Variants in COPA observed in about 807,000 individuals in gnomAD.
COPA encodes coat protein complex I subunit alpha, also known as coatomer subunit alpha.
COPA carries 10 observed loss-of-function variants against 158.7 expected under a neutral mutation model. The observed-to-expected ratio is 0.06, with a 90% confidence interval of 0.04 to 0.11. COPA has a LOEUF of 0.11. Ranked by LOEUF, COPA falls within the 10% of genes least tolerant of loss-of-function variation. The pLI is 1.00. For synonymous variants in COPA, 462 were observed against 542.8 expected (o/e 0.85, Z 2.07); for missense variants, 1,065 against 1,536.7 (o/e 0.69, Z 5.13).
rs780525488 is a variant in COPA at position 160,297,416 on chromosome 1, A to G, written c.2190T>C (p.Ser730=). ...MKIAEIRKDM[S]GHYQNALYLG... is the part of the protein sequence containing the mutation. ...GGTATAGGGCATTCTGATAGTGGCC[A>G]CTCATGTCCTTTCTGATCTCAGCTG... The change falls in exon 21 of 33, where the codon AGT becomes AGC. Residue 730 remains serine, a synonymous_variant. Transcript: ENST00000241704. 1.2e-6 allele frequency: 2 copies of G among 1,613,964 alleles called. No individual in the cohort carries two copies. Among genetic ancestry groups the G allele is most frequent in the East Asian group, 4.5e-5 (2 of 44,900 alleles).
Position 160,299,167 on chromosome 1 carries a change from C to A in COPA, c.1765G>T (p.Val589Leu). ...YCLDRECRPR[V>L]LTIDPTEFKF... ...AACTCAGTGGGATCAATGGTGAGTA[C>A]CCGGGGACGACACTCCCTGTCTAGG... Residue 589 changes from valine (V) to leucine (L), a missense_variant, in exon 18 of 33, where the codon GTA becomes TTA. Transcript: ENST00000241704. The A allele has an allele frequency of 6.2e-7, 1 of 1,614,150 alleles. No individual in the cohort carries two copies. The highest frequency in any genetic ancestry group is 1.1e-5 in the South Asian group (1 of 91,084).
Position 160,342,293 on chromosome 1 carries a change from C to T in COPA, c.40+838G>A, listed in dbSNP as rs937055188. Among the ~76,000 whole-genome samples, 5 of 152,142 alleles carry T rather than the reference C, an allele frequency of 3.3e-5. No individual in the cohort carries two copies. In the South Asian group the frequency reaches 6.2e-4, roughly 19 times the overall value. ...GACCAAGTTCCTAACCACTTTGTTA[C>T]GCTGCATCTCACTAAATATTCTAGA... On this transcript the variant is annotated intron_variant, in intron 1 of 32. Transcript: ENST00000241704.
chr1:160,296,330 A>G (rs1262751293), intron 21 of COPA, among the ~76,000 whole-genome samples, 181 bp from the exon 22 acceptor site: 1 of 152,250 alleles, frequency 6.6e-6, no homozygotes, highest in African/African-American at 2.4e-5. Context: ...GGAACATGGC[A>G]GATGTGATGG....
intron 17 of COPA, among the ~76,000 whole-genome samples, chr1:160,300,894 G>A (rs966030867): frequency 3.9e-5 from 6 of 152,078 alleles, no homozygotes; most frequent in East Asian, 1.9e-4. Context: ...TGAGGCAGGC[G>A]GATCACCTGA....
intron 1 of COPA, among the ~76,000 whole-genome samples, chr1:160,342,020 C>A (rs969644424): frequency 6.6e-6 from 1 of 152,174 alleles, no homozygotes; most frequent in African/African-American, 2.4e-5. Context: ...GGTCAAGTTT[C>A]CCAAGAGACT....
At chr1:160,317,276 G>A (rs549132181) in intron 8 of COPA, 56 of 814,138 alleles carry the variant, frequency 6.9e-5, no homozygotes, top group Non-Finnish European at 9.2e-5. Context: ...ATGTGGTAGC[G>A]GAAGTTACTG....
At position 160,290,175 on chromosome 1, in the gene COPA, A is replaced by G; in HGVS notation, c.3657T>C (p.Ser1219=). The G allele has an allele frequency of 1.9e-6, 3 of 1,614,176 alleles. No homozygotes were observed. Among genetic ancestry groups the G allele is most frequent in the Non-Finnish European group, 8.5e-7 (1 of 1,180,038 alleles). ...GGGGGCCTTAGCGAAACTGCAGAGG[A>G]CTGATCCTTAAACCAATCACATCTT... is the stretch of plus-strand genomic sequence containing the variant. ...IGKDVIGLRI[S]PLQFR Residue 1219 remains serine, a synonymous_variant, in exon 33 of 33, where the codon AGT becomes AGC. Coordinates refer to ENST00000241704, the MANE Select transcript of COPA (RefSeq NM_004371.4).
At chr1:160,303,180 C>T (rs1355746741) in intron 17 of COPA, among the ~76,000 whole-genome samples, 1 of 152,064 alleles carries the variant, frequency 6.6e-6, no homozygotes, top group Non-Finnish European at 1.5e-5. Context: ...GCCTGGGCAA[C>T]AGAGTGAGAC....
chr1:160,317,062 CAA>C (rs928278284), intron 8 of COPA, among the ~76,000 whole-genome samples: 1 of 151,962 alleles, frequency 6.6e-6, no homozygotes, highest in African/African-American at 2.4e-5. Context: ...CCATACAGGC[CAA>C]GAGAGAGAGG....
At chr1:160,322,654 A>G (rs1213625290) in intron 8 of COPA, among the ~76,000 whole-genome samples, 1 of 152,178 alleles carries the variant, frequency 6.6e-6, no homozygotes, top group Admixed American at 6.5e-5. Flanking sequence ...ATTTCACCAC[A>G]GGTAAAATGG....
chr1:160,307,949 T>C (rs1658841729), intron 13 of COPA, among the ~76,000 whole-genome samples: 1 of 152,178 alleles, frequency 6.6e-6, no homozygotes. Context: ...TGGCCAGTCT[T>C]GCCCCTGGCA....
In COPA at chr1:160,297,383, A is replaced by G. The variant is rs1169456069; in HGVS notation, c.2223T>C (p.Asp741=). ...TCAGGATCCGCACACGCTCTGACAC[A>G]TCACCCAGGTATAGGGCATTCTGAT... The part of the protein sequence containing the change: ...GHYQNALYLG[D]VSERVRILKN... Residue 741 remains aspartate, a synonymous_variant, in exon 21 of 33, where the codon GAT becomes GAC. Transcript: ENST00000241704. 2 of 1,614,186 alleles carry G rather than the reference A, an allele frequency of 1.2e-6. No homozygotes were observed. Among genetic ancestry groups the G allele is most frequent in the Non-Finnish European group, 1.7e-6 (2 of 1,180,040 alleles).
chr1:160,305,823 T>C (rs113137737), intron 15 of COPA, 50 bp from the exon 16 acceptor site: 1 of 1,501,608 alleles, frequency 6.7e-7, no homozygotes, highest in South Asian at 1.1e-5. Context: ...TTCCCTTGTC[T>C]CAGGCTTTGA....
intron 21 of COPA, 54 bp downstream of exon 21, chr1:160,297,289 A>T (rs1235490638): frequency 6.6e-7 from 1 of 1,521,830 alleles, no homozygotes; most frequent in Non-Finnish European, 9.1e-7. Flanking sequence ...CTCAACAAAA[A>T]CAGAAAAATA....
At chr1:160,342,191 A>G (rs913086354) in intron 1 of COPA, among the ~76,000 whole-genome samples, 1 of 152,200 alleles carries the variant, frequency 6.6e-6, no homozygotes, top group African/African-American at 2.4e-5. Context: ...AGACTTAGAG[A>G]CATTAAGTAA....
intron 6 of COPA, among the ~76,000 whole-genome samples, chr1:160,330,012 G>A (rs907460685): frequency 6.6e-6 from 1 of 152,144 alleles, no homozygotes; most frequent in African/African-American, 2.4e-5. Flanking sequence ...CTACTTGGAA[G>A]ACTGAGGCAG....
intron 12 of COPA, 85 bp downstream of exon 12, chr1:160,310,107 G>A (rs1199389146): frequency 2.7e-6 from 2 of 735,964 alleles, no homozygotes; most frequent in Non-Finnish European, 4.2e-6. Flanking sequence ...TAGTTTCTAA[G>A]AAGCCATTAA....
At chr1:160,310,321 G>T in intron 11 of COPA, 63 bp from the exon 12 acceptor site, 1 of 1,009,544 alleles carries the variant, frequency 9.9e-7, no homozygotes, top group Non-Finnish European at 1.5e-6. Flanking sequence ...AGGAAGAAAG[G>T]AATCACCCCC....
chr1:160,294,557 T>C lies in COPA; in HGVS notation c.2603A>G (p.Asp868Gly). 1 of 1,614,180 alleles carries C rather than the reference T, an allele frequency of 6.2e-7. No individual in the cohort carries two copies. Among genetic ancestry groups the C allele is most frequent in the Non-Finnish European group, 8.5e-7 (1 of 1,180,024 alleles). Residue 868 changes from aspartate to glycine, a missense_variant, in exon 25 of 33, where the codon GAT (aspartate) becomes GGT (glycine). By Grantham distance (94) the Asp-to-Gly change is moderately conservative. Coordinates refer to ENST00000241704, the MANE Select transcript of COPA (RefSeq NM_004371.4). ...TTCTTCCTGTCCCTTGCCAAGAGCA[T>C]CATCCCCCAAACCTTCTGTAGCCTC... ...FVEATEGLGDDALGKGQEEGG... is the reference protein window; with the variant it reads ...FVEATEGLGDGALGKGQEEGG...
Sources: gnomAD v4.1 joint callset for allele counts (sites outside exome capture counted in the v4.1 genomes callset) on GRCh38, gnomAD v4.1.1 for gene constraint, MANE v1.5 for transcripts, NCBI Gene and HGNC (gene_info 2026-07-23, HGNC 2026-07-21) for gene names.